The following LMNTD2 variants were observed in gnomAD, a reference collection of about 807,000 sequenced individuals.
LMNTD2 encodes the protein lamin tail domain-containing protein 2.
Under a neutral mutation model 70.1 loss-of-function variants are expected in LMNTD2, and 83 were observed. The observed-to-expected ratio is 1.18, with a 90% CI of 0.99 to 1.42. The LOEUF (loss-of-function observed/expected upper bound fraction) is 1.42. LMNTD2 is among the 40% of genes most tolerant of loss of function. The pLI is 0.00. For synonymous variants in LMNTD2, 534 were observed against 406.1 expected (o/e 1.31, Z -3.79); for missense variants, 1,153 against 905.9 (o/e 1.27, Z -3.50).
In LMNTD2 at chr11:558,610, A is replaced by G; in HGVS notation, c.311+4T>C. The G allele has an allele frequency of 1.2e-6, 2 of 1,604,166 alleles. No homozygotes were observed. The highest frequency in any genetic ancestry group is 1.7e-6 in the Non-Finnish European group (2 of 1,176,246). ...TGGGTTGGGCTGGGGACTGTGCTGC[A>G]GACCTCTTGGGCGGAAGCCCCGCCA... is the stretch of plus-strand genomic sequence containing the variant. On this transcript the variant is annotated splice_donor_region_variant and intron_variant, in intron 3 of 13. Transcript: ENST00000329451.
intron 7 of LMNTD2, 103 bp downstream of exon 7, chr11:557,296 C>T: frequency 7.0e-7 from 1 of 1,431,686 alleles, no homozygotes. Context: ...GTTTAAGAGA[C>T]TTATCCAGGG....
At chr11:558,811 G>A (rs749636664) in intron 2 of LMNTD2, 45 bp from the exon 3 acceptor site, 2 of 1,596,542 alleles carry the variant, frequency 1.3e-6, no homozygotes, top group Non-Finnish European at 1.7e-6. Context: ...CCGGCCCCTG[G>A]CCACCTGGCC....
chr11:560,361 G>C, intron 1 of LMNTD2: 2 of 1,173,260 alleles, frequency 1.7e-6, no homozygotes, highest in Non-Finnish European at 2.1e-6. Flanking sequence ...GAAGGTGTCG[G>C]AGAAGAGCCT....
Position 556,881 on chromosome 11 carries a change from G to A in LMNTD2, c.930C>T (p.Ser310=), listed in dbSNP as rs1385546139. 10 of 1,593,950 alleles carry A rather than the reference G, an allele frequency of 6.3e-6. No homozygotes were observed. The Admixed American group carries it at 6.9e-5, about 11-fold the overall frequency. The change falls in exon 8 of 14, where the codon TCC becomes TCT. Residue 310 remains serine (S), a synonymous_variant. Transcript: ENST00000329451. ...TGCCGGCCTGCACCAGCGCTTGCTCGGAGGAAGCGCGGTGGTCCCGGGGCG... is the reference window on the plus strand; with the variant it reads ...TGCCGGCCTGCACCAGCGCTTGCTCAGAGGAAGCGCGGTGGTCCCGGGGCG... ...GHPPRDHRAS[S]EQALVQAGSY...
At position 559,594 on chromosome 11, in the gene LMNTD2, A is replaced by C. The variant is rs1049751244; in HGVS notation, c.35-615T>G. ...AGGGAGGCCCCAGCATCCCCTACCT[A>C]GCCTGGCAGCAGCAGCGGGATAAAT... On this transcript the variant is annotated intron_variant, in intron 1 of 13. Coordinates refer to ENST00000329451, the MANE Select transcript of LMNTD2 (RefSeq NM_173573.3). 3.4e-6 allele frequency: 4 copies of C among 1,185,804 alleles called. No homozygotes were observed. The African/African-American group carries it at 4.8e-5, about 14-fold the overall frequency. 73.5% of individuals were successfully genotyped at this position (1,185,804 alleles called of 1,614,324 possible).
chr11:557,050 G>T lies in LMNTD2; in HGVS notation c.761C>A (p.Ser254Tyr). 1 of 1,608,562 alleles carries T rather than the reference G, an allele frequency of 6.2e-7. No individual in the cohort carries two copies. Residue 254 changes from serine (S) to tyrosine (Y), a missense_variant, in exon 8 of 14, where the codon TCT becomes TAT. Ser to Tyr is a moderately radical substitution (Grantham distance 144). Transcript: ENST00000329451. ...PQLDTGSPES[S>Y]GKHSERHHKT... ...GTGATGCCGCTCGGAATGCTTTCCA[G>T]AGGACTCTGGGCTCCCTGTGTCCAG...
chr11:555,764 C>T lies in LMNTD2; in HGVS notation c.1544G>A (p.Arg515Gln), dbSNP rs914366507. The T allele has an allele frequency of 9.7e-6, 14 of 1,445,880 alleles. No homozygotes were observed. Among genetic ancestry groups the T allele is most frequent in the East Asian group, 2.8e-5 (1 of 35,154 alleles). 89.6% of individuals were successfully genotyped at this position (1,445,880 alleles called of 1,614,324 possible). A position where few individuals can be genotyped will look rare whatever the true frequency, so the allele number is the denominator to read the frequency against. The change falls in exon 12 of 14, where the codon CGG (arginine) becomes CAG (glutamine). Residue 515 changes from arginine to glutamine, a missense_variant. Physicochemically the swap from Arg to Gln is conservative, Grantham distance 43. Transcript: ENST00000329451. ...TCTCCGGCGACTGACCCGGGGCTCC[C>T]GCACCCGGCCTTTGCGCAGGGGTCG... is the stretch of plus-strand genomic sequence containing the variant. ...PPRPLRKGRV[R>Q]EPRVSRRRPG...
chr11:557,292 G>A (rs78974264), intron 7 of LMNTD2, 107 bp downstream of exon 7: 1 of 1,426,364 alleles, frequency 7.0e-7, no homozygotes, highest in African/African-American at 1.4e-5. Flanking sequence ...GAAGGTTTAA[G>A]AGACTTATCC....
chr11:557,559 A>G lies in LMNTD2; in HGVS notation c.624+13T>C. On this transcript the variant is annotated intron_variant, in intron 6 of 13. Coordinates refer to ENST00000329451, the MANE Select transcript of LMNTD2 (RefSeq NM_173573.3). ...CCAGATACCAGACCACACACGTGGGAGGCCTAGCTCACCTCCCCGGTGGGG... is the reference window on the plus strand; with the variant it reads ...CCAGATACCAGACCACACACGTGGGGGGCCTAGCTCACCTCCCCGGTGGGG... 3.1e-6 allele frequency: 5 copies of G among 1,613,432 alleles called. No individual in the cohort carries two copies. The highest frequency in any genetic ancestry group is 4.2e-6 in the Non-Finnish European group (5 of 1,179,854).
Position 556,872 on chromosome 11 carries a change from C to G in LMNTD2, c.939G>C (p.Ala313=), listed in dbSNP as rs765867141. The change falls in exon 8 of 14, where the codon GCG becomes GCC. Residue 313 remains alanine (A), a synonymous_variant. Transcript: ENST00000329451. ...TGCTGTAGCTGCCGGCCTGCACCAG[C>G]GCTTGCTCGGAGGAAGCGCGGTGGT... ...PRDHRASSEQ[A]LVQAGSYSRD... The G allele has an allele frequency of 6.3e-7, 1 of 1,591,698 alleles. No homozygotes were observed. The highest frequency in any genetic ancestry group is 1.1e-5 in the South Asian group (1 of 88,404).
At chr11:560,272 A>G (rs1853192547) in intron 1 of LMNTD2, 2 of 1,012,914 alleles carry the variant, frequency 2.0e-6, no homozygotes, top group Non-Finnish European at 2.4e-6. Flanking sequence ...TGGGCGGGAC[A>G]GTAGGGTAGG....
In LMNTD2 at chr11:557,461, C is replaced by G. The variant is rs745649725; in HGVS notation, c.651G>C (p.Trp217Cys). ...TGGGATACCGGCGGGCAACGCTGTT[C>G]CAATCCACGTCCTCCAGCCGAAAGC... ...GEGFRLEDVD[W>C]NSVARRYPNL... The change falls in exon 7 of 14, where the codon TGG (tryptophan) becomes TGC (cysteine). Residue 217 changes from tryptophan (W) to cysteine (C), a missense_variant. By Grantham distance (215) the Trp-to-Cys change is radical. Transcript: ENST00000329451. 1.2e-6 allele frequency: 2 copies of G among 1,610,512 alleles called. No individual in the cohort carries two copies. The highest frequency in any genetic ancestry group is 2.2e-5 in the South Asian group (2 of 90,684).
chr11:557,752 C>G, intron 5 of LMNTD2, 112 bp from the exon 6 acceptor site: 1 of 1,568,956 alleles, frequency 6.4e-7, no homozygotes, highest in Non-Finnish European at 8.6e-7. Flanking sequence ...CCTGCTGGAG[C>G]CCAGAGTTCC....
rs1393609641 is a variant in LMNTD2, at chr11:554,938, G to A, written c.*42C>T. On this transcript the variant is annotated 3_prime_UTR_variant, in exon 14 of 14. Coordinates refer to ENST00000329451, the MANE Select transcript of LMNTD2 (RefSeq NM_173573.3). ...CACAGCCCGCCCAGCCCCGGCGCCC[G>A]CCCGCGCCCTCCCTCGCGGTCCCGG... The A allele has an allele frequency of 2.1e-6, 3 of 1,430,506 alleles. No individual in the cohort carries two copies. The highest frequency in any genetic ancestry group is 1.4e-5 in the South Asian group (1 of 70,590). The allele number at this position is 1,430,506 out of a possible 1,614,324, so 88.6% of individuals were successfully genotyped here.
rs1056742363 is a variant in LMNTD2, at chr11:555,809, C to CGGGTGT, written c.1493_1498dup (p.Thr499_Arg500insHisThr). 21 of 1,528,016 alleles carry CGGGTGT rather than the reference C, an allele frequency of 1.4e-5. No individual in the cohort carries two copies. Among genetic ancestry groups the CGGGTGT allele is most frequent in the Non-Finnish European group, 1.7e-5 (20 of 1,149,100 alleles). 94.7% of individuals were successfully genotyped at this position (1,528,016 alleles called of 1,614,324 possible). Reference sequence around the variant, plus strand: ...GGGTCGAGGTGGGCGCGGCGGCTTGCGGGTGTCGGCGCCGGGCCCGGCCTC... The same window carrying CGGGTGT: ...GGGTCGAGGTGGGCGCGGCGGCTTGCGGGTGTGGGTGTCGGCGCCGGGCCCGGCCTC... On this transcript the variant is annotated inframe_insertion, in exon 12 of 14. Coordinates refer to ENST00000329451, the MANE Select transcript of LMNTD2 (RefSeq NM_173573.3).
chr11:557,179 C>G (rs945095431), intron 7 of LMNTD2, 82 bp from the exon 8 acceptor site: 60 of 1,481,980 alleles, frequency 4.0e-5, no homozygotes, highest in Middle Eastern at 4.8e-4. Context: ...GGCAGTGCAG[C>G]AGGGAGCCCC....
Position 558,188 on chromosome 11 carries a change from C to T in LMNTD2, c.372G>A (p.Leu124=), listed in dbSNP as rs1853024198. ...QNQVQKLIQE[L]KEQKERAQWE... is the part of the protein sequence containing the mutation. ...ACTGGGCTCGCTCCTTCTGTTCCTT[C>T]AACTCCTGGATCAGCTTCTGGACCT... The change falls in exon 4 of 14, where the codon TTG becomes TTA. Residue 124 remains leucine (L), a synonymous_variant. Transcript: ENST00000329451. 2 of 1,613,602 alleles carry T rather than the reference C, an allele frequency of 1.2e-6. No individual in the cohort carries two copies. The highest frequency in any genetic ancestry group is 8.5e-7 in the Non-Finnish European group (1 of 1,179,854).
intron 7 of LMNTD2, 101 bp downstream of exon 7, chr11:557,296 CTT>C: frequency 7.0e-7 from 1 of 1,431,806 alleles, no homozygotes; most frequent in Non-Finnish European, 9.6e-7. Context: ...GTTTAAGAGA[CTT>C]ATCCAGGGAC....
chr11:554,955 C>T lies in LMNTD2; in HGVS notation c.*25G>A, dbSNP rs1399006127. 7.4e-6 allele frequency: 11 copies of T among 1,494,202 alleles called. No individual in the cohort carries two copies. Among genetic ancestry groups the T allele is most frequent in the Admixed American group, 2.5e-5 (1 of 40,522 alleles). 92.6% of individuals were successfully genotyped at this position (1,494,202 alleles called of 1,614,324 possible). On this transcript the variant is annotated 3_prime_UTR_variant, in exon 14 of 14. Transcript: ENST00000329451. ...CGGCGCCCGCCCGCGCCCTCCCTCGCGGTCCCGGCCCCACTCCTCCGCCCC... is the reference window on the plus strand; with the variant it reads ...CGGCGCCCGCCCGCGCCCTCCCTCGTGGTCCCGGCCCCACTCCTCCGCCCC...
Sources: gnomAD v4.1 joint callset for allele counts on GRCh38, gnomAD v4.1.1 for gene constraint, MANE v1.5 for transcripts, NCBI Gene and HGNC (gene_info 2026-07-23, HGNC 2026-07-21) for gene names.